The following BRD4 variants were observed in gnomAD, a reference collection of about 807,000 sequenced individuals.
The protein encoded by BRD4 is bromodomain-containing protein 4.
A neutral mutation model predicts 142.1 loss-of-function variants in BRD4; 16 were observed. The ratio of observed to expected loss-of-function variants is 0.11; its 90% CI spans 0.08 to 0.17. The LOEUF is 0.17. Ranked by LOEUF, BRD4 falls within the 10% of genes least tolerant of loss-of-function variation. The pLI, the probability that BRD4 is intolerant of heterozygous loss-of-function variation, is 1.00. For missense variants in BRD4, 1,424 were observed against 1,810.9 expected, an observed-to-expected ratio of 0.79 and a Z score of 3.88; for synonymous variants, 833 against 707.5, an observed-to-expected ratio of 1.18 and a Z score of -2.82.
In BRD4 at chr19:15,237,084, G is replaced by A. The variant is rs1038898314; in HGVS notation, c.*1293C>T. The A allele has an allele frequency of 2.8e-5, 6 of 213,808 alleles. No individual in the cohort carries two copies. The highest frequency in any genetic ancestry group is 5.6e-5 in the Non-Finnish European group (6 of 106,522). The allele number at this position is 213,808 out of a possible 1,614,324, so 13.2% of individuals were successfully genotyped here. A position where few individuals can be genotyped will look rare whatever the true frequency, so the allele number is the denominator to read the frequency against. On this transcript the variant is annotated 3_prime_UTR_variant, in exon 20 of 20. Transcript: ENST00000679869. ...TGGTTGGGGCTGGGCGCCAGGTAGG[G>A]GAGTCTCTGCCTTAGTCTGTGGCGC...
Position 15,237,444 on chromosome 19 carries a change from GAT to G in BRD4, c.*931_*932del, listed in dbSNP as rs1479506439. 5 of 224,702 alleles carry G rather than the reference GAT, an allele frequency of 2.2e-5. No homozygotes were observed. The highest frequency in any genetic ancestry group is 1.1e-4 in the African/African-American group (5 of 44,580). 13.9% of individuals were successfully genotyped at this position (224,702 alleles called of 1,614,324 possible). Reference sequence around the variant, plus strand: ...GAGTCACCAACAAACTTCAAACAAAGATATGCCAACTATGTTCACTATACAGT... The same window carrying G: ...GAGTCACCAACAAACTTCAAACAAAGATGCCAACTATGTTCACTATACAGT... On this transcript the variant is annotated 3_prime_UTR_variant, in exon 20 of 20. Transcript: ENST00000679869.
chr19:15,264,649 C>G lies in BRD4; in HGVS notation c.967G>C (p.Glu323Gln). The G allele has an allele frequency of 6.2e-7, 1 of 1,613,774 alleles. No homozygotes were observed. The highest frequency in any genetic ancestry group is 8.5e-7 in the Non-Finnish European group (1 of 1,179,996). Reference sequence around the variant, plus strand: ...GGAGGTTTCACAGGCCGGCTGCTCTCCCGCCGCTGGCCCAGCTTGGTGGTC... The same window carrying G: ...GGAGGTTTCACAGGCCGGCTGCTCTGCCGCCGCTGGCCCAGCTTGGTGGTC... ...PKTTKLGQRR[E>Q]SSRPVKPPKK... The change falls in exon 6 of 20, where the codon GAG becomes CAG. Residue 323 changes from glutamate (E) to glutamine (Q), a missense_variant. Physicochemically the swap from Glu to Gln is conservative, Grantham distance 29. This residue lies in a region of BRD4 where 86 missense variants were observed against 79.9 expected (regional missense o/e 1.08). Transcript: ENST00000679869.
In BRD4 at chr19:15,238,726, C is replaced by A; in HGVS notation, c.4020+17G>T. On this transcript the variant is annotated intron_variant, in intron 19 of 19. Transcript: ENST00000679869. The surrounding 1 kb of genome is among the most constrained non-coding windows in gnomAD (Gnocchi z 7.2). ...CTAATCCTTAGACCAGGGTCCCCACCAGGCCTCCAGACTCACGGCTTCCCG... is the reference window on the plus strand; with the variant it reads ...CTAATCCTTAGACCAGGGTCCCCACAAGGCCTCCAGACTCACGGCTTCCCG... The A allele has an allele frequency of 6.7e-7, 1 of 1,503,542 alleles. No individual in the cohort carries two copies. Among genetic ancestry groups the A allele is most frequent in the Admixed American group, 2.2e-5 (1 of 44,808 alleles). 93.1% of individuals were successfully genotyped at this position (1,503,542 alleles called of 1,614,324 possible). A position where few individuals can be genotyped will look rare whatever the true frequency, so the allele number is the denominator to read the frequency against.
intron 11 of BRD4, chr19:15,249,383 C>CG: frequency 6.2e-7 from 1 of 1,600,072 alleles, no homozygotes; most frequent in African/African-American, 1.3e-5. Context: ...ACTGAGCCAA[C>CG]CTCCTGCGCC....
chr19:15,277,022 A>C (rs1204340114), intron 1 of BRD4, among the ~76,000 whole-genome samples: 1 of 152,122 alleles, frequency 6.6e-6, no homozygotes, highest in African/African-American at 2.4e-5. Context: ...TGGCAAGAGA[A>C]GGCATGCCTG....
At chr19:15,278,041 G>A (rs1456967022) in intron 1 of BRD4, among the ~76,000 whole-genome samples, 7 of 143,616 alleles carry the variant, frequency 4.9e-5, no homozygotes, top group Non-Finnish European at 9.0e-5. Flanking sequence ...GGGAGGTGGA[G>A]CCTGCAGTGA....
In BRD4 at chr19:15,239,733, G is replaced by A; in HGVS notation, c.3371C>T (p.Pro1124Leu). ...CTCCGGCCGCAGCGAGGGGCTGAAG[G>A]GCTCGCTGCGGATGATGGGTGAGTG... is the stretch of plus-strand genomic sequence containing the variant. ...KIHSPIIRSE[P>L]FSPSLRPEPP... Residue 1124 changes from proline (P) to leucine (L), a missense_variant, in exon 16 of 20, where the codon CCC (proline) becomes CTC (leucine). By Grantham distance (98) the Pro-to-Leu change is moderately conservative (BLOSUM62 -3). Transcript: ENST00000679869. The surrounding 1 kb of genome is among the most constrained non-coding windows in gnomAD (Gnocchi z 7.4). 6.2e-7 allele frequency: 1 copy of A among 1,605,288 alleles called. No individual in the cohort carries two copies. The highest frequency in any genetic ancestry group is 8.5e-7 in the Non-Finnish European group (1 of 1,179,508).
Position 15,238,767 on chromosome 19 carries a change from C to T in BRD4, c.3996G>A (p.Glu1332=). 2 of 1,567,634 alleles carry T rather than the reference C, an allele frequency of 1.3e-6. No individual in the cohort carries two copies. The highest frequency in any genetic ancestry group is 1.4e-5 in the African/African-American group (1 of 73,920). ...DQQRELARKR[E]QERRRREAMA... is the part of the protein sequence containing the mutation. ...CGGCTTCCCGGCGTCTTCGCTCCTG[C>T]TCCCGCTTCCGGGCCAACTCCCTCT... The change falls in exon 19 of 20, where the codon GAG becomes GAA. Residue 1332 remains glutamate, a synonymous_variant. Transcript: ENST00000679869. This position sits in a 1 kb window ranked among gnomAD's most constrained non-coding sequence, Gnocchi z 7.2.
chr19:15,280,297 GC>G (rs2047693126), intron 1 of BRD4: 1 of 1,010,500 alleles, frequency 9.9e-7, no homozygotes, highest in African/African-American at 1.7e-5. Flanking sequence ...AGGGGCAGAG[GC>G]CCAGTCATCC....
At position 15,320,469 on chromosome 19, in the gene BRD4, G is replaced by A. The variant is rs75543389; in HGVS notation, c.-35+11821C>T. On this transcript the variant is annotated intron_variant, in intron 1 of 19. Transcript: ENST00000679869. ...ACTAGTAATAACAATATACCATACA[G>A]ATTACATAAGTTATATAAATAACAA... Among the ~76,000 whole-genome samples, 1,310 of 152,244 alleles carry A rather than the reference G, an allele frequency of 8.6e-3. 22 individuals are homozygous for A. Among genetic ancestry groups the A allele is most frequent in the African/African-American group, 0.03 (1,234 of 41,536 alleles).
At chr19:15,309,205 C>T (rs1455895529) in intron 1 of BRD4, among the ~76,000 whole-genome samples, 1 of 151,368 alleles carries the variant, frequency 6.6e-6, no homozygotes, top group Non-Finnish European at 1.5e-5. Context: ...TGGTGGTGGG[C>T]GCCTGTAATC....
intron 1 of BRD4, among the ~76,000 whole-genome samples, chr19:15,318,109 C>A (rs2048031636): frequency 6.6e-6 from 1 of 152,160 alleles, no homozygotes; most frequent in Admixed American, 6.6e-5. Context: ...GATCTTATTT[C>A]TCTTAATTAC....
chr19:15,264,940 T>C (rs1364652054), intron 5 of BRD4, among the ~76,000 whole-genome samples, 174 bp from the exon 6 acceptor site: 1 of 152,158 alleles, frequency 6.6e-6, no homozygotes, highest in African/African-American at 2.4e-5. Flanking sequence ...GTCCCACCAC[T>C]CTGCTCTGCA....
In BRD4 at chr19:15,273,046, C is replaced by A. The variant is rs2145625433; in HGVS notation, c.54G>T (p.Gly18=). The change falls in exon 2 of 20, where the codon GGG becomes GGT. Residue 18 remains glycine (G), a synonymous_variant. Coordinates refer to ENST00000679869, the MANE Select transcript of BRD4 (RefSeq NM_001379291.1). The part of the protein sequence containing the change: ...GTRLRNLPVM[G]DGLETSQMST... ...ACATTTGGGAAGTTTCTAGTCCATC[C>A]CCCATTACTGGCAGATTTCTCAATC... The A allele has an allele frequency of 9.3e-6, 15 of 1,611,778 alleles. No individual in the cohort carries two copies. Among genetic ancestry groups the A allele is most frequent in the Non-Finnish European group, 1.3e-5 (15 of 1,178,210 alleles).
At position 15,238,501 on chromosome 19, in the gene BRD4, C is replaced by CA. The variant is rs1473296880; in HGVS notation, c.4021-57dup. 2.1e-5 allele frequency: 34 copies of CA among 1,611,904 alleles called. No individual in the cohort carries two copies. Among genetic ancestry groups the CA allele is most frequent in the Non-Finnish European group, 2.9e-5 (34 of 1,179,314 alleles). ...GGATGACCTAGCCACCCTGCAGCTA[C>CA]AAGCCCTCATACCCGCTACCAGCAG... is the stretch of plus-strand genomic sequence containing the variant. On this transcript the variant is annotated intron_variant, in intron 19 of 19. Transcript: ENST00000679869. The surrounding 1 kb of genome is among the most constrained non-coding windows in gnomAD (Gnocchi z 7.2).
At chr19:15,244,091 C>T in intron 13 of BRD4, 140 bp downstream of exon 13, 13 of 1,466,368 alleles carry the variant, frequency 8.9e-6, no homozygotes, top group Non-Finnish European at 1.2e-5. Flanking sequence ...CCAAGATGGC[C>T]TCGAGAAGCC....
chr19:15,247,061 G>C (rs1488690613), intron 11 of BRD4: 1 of 195,872 alleles, frequency 5.1e-6, no homozygotes, highest in East Asian at 8.0e-5. Flanking sequence ...CTCAAGTACG[G>C]TGTGATCTTT....
intron 1 of BRD4, among the ~76,000 whole-genome samples, chr19:15,289,577 T>A (rs2047765561): frequency 6.8e-6 from 1 of 147,778 alleles, no homozygotes; most frequent in African/African-American, 2.5e-5. Flanking sequence ...ATAAATAAAA[T>A]AAATCAGAAA....
At chr19:15,299,492 G>C (rs1466262608) in intron 1 of BRD4, among the ~76,000 whole-genome samples, 2 of 152,170 alleles carry the variant, frequency 1.3e-5, no homozygotes, top group African/African-American at 4.8e-5. Flanking sequence ...GGTAGGGGGT[G>C]AATGAAGAAG....
Sources: allele counts gnomAD v4.1 joint callset (sites outside exome capture counted in the v4.1 genomes callset), GRCh38; gene constraint gnomAD v4.1.1; regional missense constraint gnomAD v4.1.1; non-coding constraint Gnocchi (gnomAD v3.1); transcripts MANE v1.5; gene names NCBI Gene and HGNC (gene_info 2026-07-23, HGNC 2026-07-21).